The following FAAH variants were observed in gnomAD, a reference collection of about 807,000 sequenced individuals.
FAAH encodes fatty-acid amide hydrolase 1.
Under a neutral mutation model 69.7 loss-of-function variants are expected in FAAH, and 63 were observed. That is an observed-to-expected ratio of 0.90 (90% confidence interval 0.74 to 1.12). FAAH has a LOEUF of 1.12. FAAH is among the 50% of genes most tolerant of loss of function. FAAH has a pLI of 0.00. For missense variants in FAAH, 680 were observed against 755.0 expected, an observed-to-expected ratio of 0.90 and a Z score of 1.16; for synonymous variants, 305 against 324.2, an observed-to-expected ratio of 0.94 and a Z score of 0.64.
Position 46,413,485 on chromosome 1 carries a change from G to A in FAAH, c.1650G>A (p.Gln550=), listed in dbSNP as rs749290251. ...KKSVGLPVAV[Q]CVALPWQEEL... is the part of the protein sequence containing the mutation. ...GTGTGGGGCTGCCGGTGGCCGTGCA[G>A]TGTGTGGCTCTGCCCTGGCAAGAAG... Residue 550 remains glutamine (Q), a synonymous_variant, in exon 15 of 15, where the codon CAG becomes CAA. Coordinates refer to ENST00000243167, the MANE Select transcript of FAAH (RefSeq NM_001441.3). 2 of 1,614,102 alleles carry A rather than the reference G, an allele frequency of 1.2e-6. No homozygotes were observed. The highest frequency in any genetic ancestry group is 1.7e-6 in the Non-Finnish European group (2 of 1,180,008).
intron 7 of FAAH, 68 bp downstream of exon 7, chr1:46,406,436 C>A: frequency 6.2e-7 from 1 of 1,604,524 alleles, no homozygotes; most frequent in African/African-American, 1.3e-5. Context: ...GCCTTGTGGG[C>A]AGGCCTTGGA....
intron 2 of FAAH, among the ~76,000 whole-genome samples, chr1:46,402,850 A>T (rs1664728397): frequency 6.6e-6 from 1 of 151,440 alleles, no homozygotes; most frequent in Admixed American, 6.6e-5. Context: ...CTGCTAACAC[A>T]CCCAGCTAAT....
chr1:46,405,883 T>G lies in FAAH; in HGVS notation c.785+89T>G. The G allele has an allele frequency of 6.2e-7, 1 of 1,606,222 alleles. No homozygotes were observed. On this transcript the variant is annotated intron_variant, in intron 5 of 14. Coordinates refer to ENST00000243167, the MANE Select transcript of FAAH (RefSeq NM_001441.3). The surrounding 1 kb of genome is among the most constrained non-coding windows in gnomAD (Gnocchi z 4.1). ...CTCTGGGCTCCAGGCGGGGATTCGG[T>G]CTCCGGGGTTTTGCTGGGAGGAAGC...
intron 12 of FAAH, 90 bp from the exon 13 acceptor site, chr1:46,412,053 C>A: frequency 8.5e-7 from 1 of 1,171,878 alleles, no homozygotes; most frequent in Non-Finnish European, 1.2e-6. Context: ...GTGCTGGGGC[C>A]AGAGCCACCC....
In FAAH at chr1:46,410,312, A is replaced by G. The variant is rs1429867757; in HGVS notation, c.1176-86A>G. On this transcript the variant is annotated intron_variant, in intron 9 of 14. Coordinates refer to ENST00000243167, the MANE Select transcript of FAAH (RefSeq NM_001441.3). The surrounding 1 kb of genome is among the most constrained non-coding windows in gnomAD (Gnocchi z 4.9). Reference sequence around the variant, plus strand: ...GAGGAGGTGGACAGGATCCCTGCATAGAGAATGGGATTGCTGTGGGCCGGG... The same window carrying G: ...GAGGAGGTGGACAGGATCCCTGCATGGAGAATGGGATTGCTGTGGGCCGGG... 3.9e-6 allele frequency: 4 copies of G among 1,013,812 alleles called. No homozygotes were observed. The Admixed American group carries it at 6.8e-5, about 17-fold the overall frequency. The allele number at this position is 1,013,812 out of a possible 1,614,324, so 62.8% of individuals were successfully genotyped here.
chr1:46,412,063 C>A lies in FAAH; in HGVS notation c.1357-80C>A, dbSNP rs1664926067. 4 of 1,285,992 alleles carry A rather than the reference C, an allele frequency of 3.1e-6. No homozygotes were observed. The South Asian group carries it at 5.1e-5, about 16-fold the overall frequency. The allele number at this position is 1,285,992 out of a possible 1,614,324, so 79.7% of individuals were successfully genotyped here. On this transcript the variant is annotated intron_variant, in intron 12 of 14. Coordinates refer to ENST00000243167, the MANE Select transcript of FAAH (RefSeq NM_001441.3). ...GGCAGGTGCTGGGGCCAGAGCCACC[C>A]CAGCCACAGTCCCTGAGTTAAAGAG...
chr1:46,394,385 G>A lies in FAAH; in HGVS notation c.37G>A (p.Ala13Thr). ...QYELWAALPG[A>T]SGVALACCFV... ...CGAGCTGTGGGCCGCGCTGCCTGGC[G>A]CCTCCGGGGTCGCCCTGGCCTGCTG... The change falls in exon 1 of 15, where the codon GCC (alanine) becomes ACC (threonine). Residue 13 changes from alanine to threonine, a missense_variant. Ala to Thr is a moderately conservative substitution (Grantham distance 58, BLOSUM62 0). Coordinates refer to ENST00000243167, the MANE Select transcript of FAAH (RefSeq NM_001441.3). The A allele has an allele frequency of 6.5e-7, 1 of 1,543,972 alleles. No homozygotes were observed. Among genetic ancestry groups the A allele is most frequent in the East Asian group, 2.6e-5 (1 of 37,790 alleles).
At position 46,395,656 on chromosome 1, in the gene FAAH, C is replaced by T. The variant is rs552561256; in HGVS notation, c.195+1113C>T. Among the ~76,000 whole-genome samples the T allele has an allele frequency of 4.6e-5, 7 of 152,328 alleles. No individual in the cohort carries two copies. In the South Asian group the frequency reaches 1.4e-3, roughly 32 times the overall value. On this transcript the variant is annotated intron_variant, in intron 1 of 14. Transcript: ENST00000243167. ...TTTACAGGTTGGGAACCGCAGGACT[C>T]AGGAGGGTGTGCCTGGGTGGGAGAC...
In FAAH at chr1:46,404,733, G is replaced by A. The variant is rs1272103420; in HGVS notation, c.310-281G>A. 6.6e-6 allele frequency among the ~76,000 whole-genome samples: 1 copy of A among 152,174 alleles called. No individual in the cohort carries two copies. The highest frequency in any genetic ancestry group is 2.4e-5 in the African/African-American group (1 of 41,440). ...CTCCCAGCTCACCCCCTACCTGGGG[G>A]GCACCTGAGGCCAGTATCTTGCTCC... On this transcript the variant is annotated intron_variant, in intron 2 of 14. Transcript: ENST00000243167. This position sits in a 1 kb window ranked among gnomAD's most constrained non-coding sequence, Gnocchi z 4.5.
At chr1:46,402,356 A>G in intron 2 of FAAH, 152 bp downstream of exon 2, 1 of 713,272 alleles carries the variant, frequency 1.4e-6, no homozygotes, top group Non-Finnish European at 2.5e-6. Context: ...CTACAGTGCC[A>G]GGGACTGCCA....
Position 46,411,033 on chromosome 1 carries a change from C to T in FAAH, c.1316+179C>T. On this transcript the variant is annotated intron_variant, in intron 11 of 14. Transcript: ENST00000243167. The surrounding 1 kb of genome is among the most constrained non-coding windows in gnomAD (Gnocchi z 4.8). ...GACTTTGAAGTTGTCTTGGCAAGGT[C>T]CAGTTCTGGCTGGAGAGCAAAGGCC... 2 of 759,732 alleles carry T rather than the reference C, an allele frequency of 2.6e-6. No individual in the cohort carries two copies. The highest frequency in any genetic ancestry group is 2.7e-5 in the East Asian group (1 of 37,432). The allele number at this position is 759,732 out of a possible 1,614,324, so 47.1% of individuals were successfully genotyped here. A position where few individuals can be genotyped will look rare whatever the true frequency, so the allele number is the denominator to read the frequency against.
In FAAH at chr1:46,410,533, G is replaced by A. The variant is rs199598092; in HGVS notation, c.1275+36G>A. 23 of 1,565,288 alleles carry A rather than the reference G, an allele frequency of 1.5e-5. No individual in the cohort carries two copies. In the African/African-American group the frequency reaches 2.0e-4, roughly 14 times the overall value. ...AAGGAGTGGAGGGGCTAGGATGGCTGGGGGGGAACCTAGGGCCTCCTATCG... is the reference window on the plus strand; with the variant it reads ...AAGGAGTGGAGGGGCTAGGATGGCTAGGGGGGAACCTAGGGCCTCCTATCG... On this transcript the variant is annotated intron_variant, in intron 10 of 14. Transcript: ENST00000243167. The surrounding 1 kb of genome is among the most constrained non-coding windows in gnomAD (Gnocchi z 4.9).
intron 1 of FAAH, among the ~76,000 whole-genome samples, chr1:46,399,408 T>C (rs1044638915): frequency 2.6e-5 from 4 of 152,260 alleles, no homozygotes; most frequent in African/African-American, 9.6e-5. Context: ...GGAGAAAATG[T>C]CTCAGCTGCC....
chr1:46,402,598 C>T (rs1664723362), intron 2 of FAAH, among the ~76,000 whole-genome samples: 2 of 152,180 alleles, frequency 1.3e-5, no homozygotes, highest in African/African-American at 4.8e-5. Context: ...CTGCAACCTC[C>T]ACCTCCTGGG....
rs1664887850 is a variant in FAAH, at chr1:46,410,320, G to C, written c.1176-78G>C. On this transcript the variant is annotated intron_variant, in intron 9 of 14. Coordinates refer to ENST00000243167, the MANE Select transcript of FAAH (RefSeq NM_001441.3). This position sits in a 1 kb window ranked among gnomAD's most constrained non-coding sequence, Gnocchi z 4.9. ...GGACAGGATCCCTGCATAGAGAATG[G>C]GATTGCTGTGGGCCGGGCGAGCAAG... 2.7e-6 allele frequency: 3 copies of C among 1,091,190 alleles called. No homozygotes were observed. The highest frequency in any genetic ancestry group is 4.3e-6 in the Non-Finnish European group (3 of 703,562). The allele number at this position is 1,091,190 out of a possible 1,614,324, so 67.6% of individuals were successfully genotyped here.
At chr1:46,399,832 A>G (rs903736213) in intron 1 of FAAH, among the ~76,000 whole-genome samples, 8 of 152,240 alleles carry the variant, frequency 5.3e-5, no homozygotes, top group African/African-American at 1.9e-4. Flanking sequence ...AACTGTTGAC[A>G]TGGTGGGTTT....
rs141172219 is a variant in FAAH, at chr1:46,401,236, G to T, written c.196-855G>T. On this transcript the variant is annotated intron_variant, in intron 1 of 14. Coordinates refer to ENST00000243167, the MANE Select transcript of FAAH (RefSeq NM_001441.3). ...CAGGAGGAGGGGAAGCCTTCTCCCAGAATCAGAGAGGGAAGAGAAGGTACC... is the reference window on the plus strand; with the variant it reads ...CAGGAGGAGGGGAAGCCTTCTCCCATAATCAGAGAGGGAAGAGAAGGTACC... 1.7e-3 allele frequency among the ~76,000 whole-genome samples: 253 copies of T among 151,740 alleles called. 2 individuals are homozygous for T. The highest frequency in any genetic ancestry group is 5.5e-3 in the African/African-American group (226 of 41,306).
intron 7 of FAAH, among the ~76,000 whole-genome samples, chr1:46,408,170 G>A (rs1185542795): frequency 6.6e-6 from 1 of 152,150 alleles, no homozygotes; most frequent in Non-Finnish European, 1.5e-5. Context: ...GACCTGTCTT[G>A]TCACTCTGCA....
intron 1 of FAAH, among the ~76,000 whole-genome samples, chr1:46,395,989 C>T (rs933272413): frequency 6.6e-6 from 1 of 151,726 alleles, no homozygotes; most frequent in African/African-American, 2.4e-5. Flanking sequence ...GACCACCGCT[C>T]AGTATAGGGA....
Sources: gnomAD v4.1 joint callset for allele counts (sites outside exome capture counted in the v4.1 genomes callset) on GRCh38, gnomAD v4.1.1 for gene constraint, Gnocchi (gnomAD v3.1) non-coding constraint, MANE v1.5 for transcripts, NCBI Gene and HGNC (gene_info 2026-07-23, HGNC 2026-07-21) for gene names.